The following ITPRID1 variants were observed in gnomAD, a reference collection of about 807,000 sequenced individuals.
The protein encoded by ITPRID1 is ITPR interacting domain containing 1.
A neutral mutation model predicts 95.4 loss-of-function variants in ITPRID1; 96 were observed. The observed-to-expected ratio is 1.01, with a 90% CI of 0.85 to 1.19. ITPRID1 has a LOEUF of 1.19. Ranked by LOEUF, ITPRID1 falls within the 50% of genes most tolerant of loss-of-function variation. ITPRID1 has a pLI of 0.00. For missense variants in ITPRID1, 1,339 were observed against 1,252.9 expected (o/e 1.07, Z -1.04); for synonymous variants, 510 against 453.6 (o/e 1.12, Z -1.58).
intron 1 of ITPRID1, among the ~76,000 whole-genome samples, chr7:31,541,559 A>G (rs1783933154): frequency 6.6e-6 from 1 of 152,188 alleles, no homozygotes; most frequent in Non-Finnish European, 1.5e-5. Context: ...TATTACTGAT[A>G]ACATACACTA....
intron 7 of ITPRID1, 76 bp from the exon 8 acceptor site, chr7:31,574,464 G>C: frequency 7.8e-7 from 1 of 1,281,460 alleles, no homozygotes; most frequent in Non-Finnish European, 1.1e-6. Flanking sequence ...GGGAGATTGG[G>C]TGGATGAGGT....
At chr7:31,529,874 G>T (rs1783539962) in intron 1 of ITPRID1, 1 of 1,398,210 alleles carries the variant, frequency 7.2e-7, no homozygotes, top group African/African-American at 1.4e-5. Context: ...AGCCTGTTGG[G>T]GAGGGGTATT....
chr7:31,632,020 C>G (rs1303947943), intron 10 of ITPRID1, among the ~76,000 whole-genome samples: 1 of 152,122 alleles, frequency 6.6e-6, no homozygotes, highest in Admixed American at 6.5e-5. Context: ...ATGAAGGCTT[C>G]CAGTAGAAGG....
chr7:31,549,004 C>A (rs922257560), intron 1 of ITPRID1, among the ~76,000 whole-genome samples: 1 of 151,864 alleles, frequency 6.6e-6, no homozygotes, highest in Non-Finnish European at 1.5e-5. Flanking sequence ...TAGGAAGGCC[C>A]GAACTGAGGC....
Position 31,643,232 on chromosome 7 carries a change from A to T in ITPRID1, c.1862A>T (p.Glu621Val). 1 of 1,613,896 alleles carries T rather than the reference A, an allele frequency of 6.2e-7. No individual in the cohort carries two copies. The highest frequency in any genetic ancestry group is 8.5e-7 in the Non-Finnish European group (1 of 1,179,874). Residue 621 changes from glutamate (E) to valine (V), a missense_variant, in exon 12 of 15, where the codon GAA (glutamate) becomes GTA (valine). Glu to Val is a moderately radical substitution (Grantham distance 121). Transcript: ENST00000615280. The part of the protein sequence containing the change: ...HVDSEAPREE[E>V]SSGFCPHTNH... ...GACTCTGAGGCCCCACGAGAAGAGG[A>T]AAGCAGTGGATTCTGTCCTCACACC...
intron 8 of ITPRID1, among the ~76,000 whole-genome samples, chr7:31,575,057 C>G (rs1785132279): frequency 6.6e-6 from 1 of 152,162 alleles, no homozygotes; most frequent in African/African-American, 2.4e-5. Context: ...ATCCTCTGCT[C>G]CTAACTTACA....
intron 5 of ITPRID1, among the ~76,000 whole-genome samples, chr7:31,559,850 A>T (rs1424325666): frequency 6.6e-6 from 1 of 152,138 alleles, no homozygotes; most frequent in African/African-American, 2.4e-5. Flanking sequence ...AAGAACAAAC[A>T]TGACATCAGC....
At chr7:31,578,643 C>T (rs1348200812) in intron 9 of ITPRID1, among the ~76,000 whole-genome samples, 1 of 152,174 alleles carries the variant, frequency 6.6e-6, no homozygotes, top group Non-Finnish European at 1.5e-5. Flanking sequence ...GCTCCAGTAT[C>T]TTTCCTTTCT....
chr7:31,549,266 A>G (rs1028336093), intron 1 of ITPRID1, among the ~76,000 whole-genome samples, 160 bp from the exon 2 acceptor site: 1 of 152,190 alleles, frequency 6.6e-6, no homozygotes, highest in Non-Finnish European at 1.5e-5. Context: ...TCATGGTCAC[A>G]GAAATACTCT....
chr7:31,585,960 G>A (rs1009819017), intron 10 of ITPRID1, among the ~76,000 whole-genome samples: 3 of 146,962 alleles, frequency 2.0e-5, no homozygotes, highest in Non-Finnish European at 4.5e-5. Flanking sequence ...TCTAGCATTA[G>A]GTATATCTCC....
At chr7:31,613,105 TTTTG>T (rs1276056542) in intron 10 of ITPRID1, among the ~76,000 whole-genome samples, 2 of 152,092 alleles carry the variant, frequency 1.3e-5, no homozygotes, top group Non-Finnish European at 1.5e-5. Context: ...AAATGGGACT[TTTTG>T]TTTGAGAGTC....
At chr7:31,544,392 A>G (rs1253636342) in intron 1 of ITPRID1, among the ~76,000 whole-genome samples, 4 of 152,154 alleles carry the variant, frequency 2.6e-5, no homozygotes, top group Non-Finnish European at 4.4e-5. Context: ...TAAAGAACAT[A>G]CGTTTAATTA....
At chr7:31,550,774 A>C (rs115723838) in intron 2 of ITPRID1, among the ~76,000 whole-genome samples, 1,228 of 115,878 alleles carry the variant, frequency 0.011, 82 homozygotes, top group African/African-American at 0.031. Flanking sequence ...GCTGGCAGAC[A>C]GAATATCCTC....
At position 31,553,190 on chromosome 7, in the gene ITPRID1, GAGA is replaced by G. The variant is rs1448737988; in HGVS notation, c.163+6_163+8del. ...GAGTCTCACCATCCCCATGCTGGGT[GAGA>G]AGGACTCTCAGGCCTATTTGAAAAC... On this transcript the variant is annotated splice_donor_5th_base_variant and intron_variant, in intron 3 of 14. Transcript: ENST00000615280. 2 of 1,569,978 alleles carry G rather than the reference GAGA, an allele frequency of 1.3e-6. No homozygotes were observed. Among genetic ancestry groups the G allele is most frequent in the Non-Finnish European group, 1.7e-6 (2 of 1,156,484 alleles).
Position 31,517,144 on chromosome 7 carries a change from G to C in ITPRID1, c.-98+3024G>C, listed in dbSNP as rs191273217. On this transcript the variant is annotated intron_variant, in intron 1 of 14. Coordinates refer to ENST00000615280, the MANE Select transcript of ITPRID1 (RefSeq NM_001257967.3). ...CCTAGCAGATTTCAGGTTTTGGTTC[G>C]GGTGGCCTGCTTTTATTCCCTTATG... is the stretch of plus-strand genomic sequence containing the variant. Among the ~76,000 whole-genome samples, 18 of 152,256 alleles carry C rather than the reference G, an allele frequency of 1.2e-4. No individual in the cohort carries two copies. In the East Asian group the frequency reaches 3.3e-3, roughly 28 times the overall value.
intron 10 of ITPRID1, among the ~76,000 whole-genome samples, chr7:31,613,891 AT>A (rs1451450405): frequency 1.3e-5 from 2 of 152,214 alleles, no homozygotes; most frequent in Non-Finnish European, 2.9e-5. Flanking sequence ...GAGCTTGAAT[AT>A]TTGCTAATGC....
At chr7:31,553,407 A>G (rs1395664780) in intron 3 of ITPRID1, among the ~76,000 whole-genome samples, 5 of 152,330 alleles carry the variant, frequency 3.3e-5, no homozygotes, top group Non-Finnish European at 7.3e-5. Flanking sequence ...AGACCAATTA[A>G]TGAATGAACT....
rs544349969 is a variant in ITPRID1, at chr7:31,652,636, C to T, written c.2942C>T (p.Pro981Leu). The T allele has an allele frequency of 2.9e-5, 47 of 1,613,786 alleles. No homozygotes were observed. In the South Asian group the frequency reaches 3.3e-4, roughly 11 times the overall value. ...TCTAAAATCCACCCAGGCATGGCCC[C>T]GAGGACTGTGTTTCCTCCCGATGAT... ...SCSKIHPGMA[P>L]RTVFPPDDGQ... The change falls in exon 15 of 15, where the codon CCG becomes CTG. Residue 981 changes from proline (P) to leucine (L), a missense_variant. By Grantham distance (98) the Pro-to-Leu change is moderately conservative. Coordinates refer to ENST00000615280, the MANE Select transcript of ITPRID1 (RefSeq NM_001257967.3).
chr7:31,621,113 G>C (rs936096803), intron 10 of ITPRID1, among the ~76,000 whole-genome samples: 3 of 152,066 alleles, frequency 2.0e-5, no homozygotes, highest in Non-Finnish European at 4.4e-5. Context: ...TATGTGAAAA[G>C]ACCAAATCTA....
Sources: allele counts gnomAD v4.1 joint callset (sites outside exome capture counted in the v4.1 genomes callset), GRCh38; gene constraint gnomAD v4.1.1; transcripts MANE v1.5; gene names NCBI Gene and HGNC (gene_info 2026-07-23, HGNC 2026-07-21).